Variants in RNF180 observed in about 807,000 individuals in gnomAD.
The protein encoded by RNF180 is ring finger protein 180, also known as E3 ubiquitin-protein ligase RNF180.
RNF180 carries 38 observed loss-of-function variants against 59.2 expected under a neutral mutation model. The observed-to-expected ratio is 0.64, with a 90% CI of 0.50 to 0.84. The LOEUF (loss-of-function observed/expected upper bound fraction) is 0.84. RNF180 is among the 40% of genes least tolerant of loss of function. The probability of loss-of-function intolerance (pLI) is 0.00; values close to 1 mark genes in which losing one functional copy is unlikely to be tolerated. For missense variants in RNF180, 705 were observed against 700.9 expected (o/e 1.01, Z -0.07); for synonymous variants, 262 against 240.3 (o/e 1.09, Z -0.84).
At chr5:64,277,178 TAAAAAAAAAAAAGGGGA>T (rs1561233963) in intron 5 of RNF180, among the ~76,000 whole-genome samples, 1 of 112,466 alleles carries the variant, frequency 8.9e-6, no homozygotes, top group African/African-American at 3.4e-5. Context: ...TGGGTGGTCT[TAAAAAAAAAAAAGGGGA>T]AAAAAAAAAA....
intron 5 of RNF180, among the ~76,000 whole-genome samples, chr5:64,299,531 T>C (rs1004350312): frequency 5.9e-5 from 9 of 152,018 alleles, no homozygotes; most frequent in Non-Finnish European, 1.3e-4. Flanking sequence ...GTTATATTGT[T>C]ATAGTATTTT....
chr5:64,227,331 G>A (rs1302478118), intron 5 of RNF180, among the ~76,000 whole-genome samples: 1 of 152,204 alleles, frequency 6.6e-6, no homozygotes, highest in Non-Finnish European at 1.5e-5. Context: ...CACCATGGGT[G>A]CAGGGGCCTG....
rs182818604 is a variant in RNF180 at position 64,172,709 on chromosome 5, G to A, written c.-1+6756G>A. 6.0e-4 allele frequency among the ~76,000 whole-genome samples: 91 copies of A among 152,252 alleles called. 1 individual carries two copies. Among genetic ancestry groups the A allele is most frequent in the Non-Finnish European group, 9.9e-4 (67 of 68,008 alleles). ...CTCTTAGGATGCCTCCTCAGTGCAC[G>A]AACAAAGAGGTCCTCCGTGTATTGC... On this transcript the variant is annotated intron_variant, in intron 1 of 7. Transcript: ENST00000389100.
intron 1 of RNF180, among the ~76,000 whole-genome samples, chr5:64,178,895 A>G (rs1288319906): frequency 3.9e-5 from 6 of 152,200 alleles, no homozygotes; most frequent in Middle Eastern, 3.4e-3. Flanking sequence ...ATGGTCCTCA[A>G]TGCAGACATT....
chr5:64,199,183 T>G (rs1246751822), intron 1 of RNF180, among the ~76,000 whole-genome samples: 1 of 152,166 alleles, frequency 6.6e-6, no homozygotes, highest in African/African-American at 2.4e-5. Flanking sequence ...TGGGCTAAGA[T>G]GCATTCTGAA....
chr5:64,342,969 TATTA>T (rs1400581597), intron 7 of RNF180, among the ~76,000 whole-genome samples: 15 of 152,264 alleles, frequency 9.9e-5, no homozygotes, highest in Admixed American at 3.3e-4. Flanking sequence ...CAACCCTGCT[TATTA>T]ATTGTTAGAT....
chr5:64,169,698 T>A (rs1749835719), intron 1 of RNF180, among the ~76,000 whole-genome samples: 1 of 152,218 alleles, frequency 6.6e-6, no homozygotes, highest in Non-Finnish European at 1.5e-5. Context: ...TTTATCCATG[T>A]GCAACAATAA....
intron 2 of RNF180, among the ~76,000 whole-genome samples, chr5:64,202,122 A>G (rs564973451): frequency 1.3e-5 from 2 of 152,300 alleles, no homozygotes; most frequent in East Asian, 1.9e-4. Flanking sequence ...TCAGATCAAG[A>G]TATGCATTTG....
intron 7 of RNF180, among the ~76,000 whole-genome samples, chr5:64,356,090 TA>T (rs57455949): frequency 6.9e-5 from 10 of 144,952 alleles, no homozygotes; most frequent in South Asian, 2.2e-4. Flanking sequence ...ACCCTGTCTC[TA>T]AAAAAAAAAC....
chr5:64,166,740 A>G (rs924133885), intron 1 of RNF180, among the ~76,000 whole-genome samples: 83 of 152,320 alleles, frequency 5.4e-4, no homozygotes, highest in African/African-American at 1.9e-3. Context: ...TTTATAGACC[A>G]GACAGCTGAG....
intron 1 of RNF180, among the ~76,000 whole-genome samples, chr5:64,167,140 T>C (rs1412949925): frequency 6.6e-6 from 1 of 152,218 alleles, no homozygotes; most frequent in Non-Finnish European, 1.5e-5. Flanking sequence ...AAAGATACTT[T>C]GGTGACAATG....
At chr5:64,268,852 C>T (rs1436560817) in intron 5 of RNF180, among the ~76,000 whole-genome samples, 1 of 152,164 alleles carries the variant, frequency 6.6e-6, no homozygotes, top group African/African-American at 2.4e-5. Flanking sequence ...GAGCTGCCAG[C>T]TCTTCCTTGA....
At chr5:64,193,230 A>T (rs1274079952) in intron 1 of RNF180, among the ~76,000 whole-genome samples, 1 of 152,014 alleles carries the variant, frequency 6.6e-6, no homozygotes, top group Non-Finnish European at 1.5e-5. Context: ...CCTATAGTTA[A>T]CAGTACAGTA....
chr5:64,173,838 C>T (rs1750080287), intron 1 of RNF180, among the ~76,000 whole-genome samples: 2 of 151,924 alleles, frequency 1.3e-5, no homozygotes, highest in Admixed American at 1.3e-4. Flanking sequence ...GCCTCAGCCT[C>T]CTGAGTAGCT....
At chr5:64,253,700 G>C (rs376970282) in intron 5 of RNF180, among the ~76,000 whole-genome samples, 3 of 152,138 alleles carry the variant, frequency 2.0e-5, no homozygotes, top group East Asian at 3.9e-4. Flanking sequence ...AATATAGTTA[G>C]TACTAGAATA....
Position 64,349,929 on chromosome 5 carries a change from T to G in RNF180, c.1579+19523T>G, listed in dbSNP as rs548075914. ...GTATGTGTCTTTATAGCAGCATGATTTATAATCCTTTGGGTATATACCCAG... is the reference window on the plus strand; with the variant it reads ...GTATGTGTCTTTATAGCAGCATGATGTATAATCCTTTGGGTATATACCCAG... On this transcript the variant is annotated intron_variant, in intron 7 of 7. Transcript: ENST00000389100. Among the ~76,000 whole-genome samples, 9 of 152,284 alleles carry G rather than the reference T, an allele frequency of 5.9e-5. No homozygotes were observed. The East Asian group carries it at 1.5e-3, about 26-fold the overall frequency.
At chr5:64,276,109 G>A (rs897826367) in intron 5 of RNF180, among the ~76,000 whole-genome samples, 2 of 152,170 alleles carry the variant, frequency 1.3e-5, no homozygotes, top group East Asian at 1.9e-4. Flanking sequence ...TAAGGGGATG[G>A]GGAAAAGAGG....
At chr5:64,218,373 A>T (rs1752745523) in intron 5 of RNF180, among the ~76,000 whole-genome samples, 1 of 152,198 alleles carries the variant, frequency 6.6e-6, no homozygotes, top group Non-Finnish European at 1.5e-5. Context: ...GTTGTTGAAA[A>T]CAATGTCCTT....
At chr5:64,322,602 C>CATGTGTGTGT (rs3221373) in intron 5 of RNF180, among the ~76,000 whole-genome samples, 1 of 143,428 alleles carries the variant, frequency 7.0e-6, no homozygotes, top group South Asian at 2.3e-4. Context: ...TATATATATA[C>CATGTGTGTGT]GTGTGTGTGT....
Sources: gnomAD v4.1 joint callset for allele counts (sites outside exome capture counted in the v4.1 genomes callset) on GRCh38, gnomAD v4.1.1 for gene constraint, MANE v1.5 for transcripts, NCBI Gene and HGNC (gene_info 2026-07-23, HGNC 2026-07-21) for gene names.